The following MLIP variants were observed in gnomAD, a reference collection of about 807,000 sequenced individuals.
MLIP encodes the protein muscular LMNA interacting protein.
In MLIP, 79 loss-of-function variants were observed where a neutral mutation model predicts 84.8. That is an observed-to-expected ratio of 0.93 (90% CI 0.78 to 1.12). The LOEUF is 1.12. Ranked by LOEUF, MLIP falls within the 50% of genes most tolerant of loss-of-function variation. MLIP has a pLI of 0.00. For missense variants in MLIP, 1,257 were observed against 1,160.6 expected (o/e 1.08, Z -1.21); for synonymous variants, 504 against 463.0 (o/e 1.09, Z -1.14).
At chr6:54,082,917 A>C (rs1767256971) in intron 1 of MLIP, among the ~76,000 whole-genome samples, 1 of 152,210 alleles carries the variant, frequency 6.6e-6, no homozygotes, top group South Asian at 2.1e-4. Context: ...CAGCTATAGA[A>C]TACTGTAGTA....
intron 1 of MLIP, among the ~76,000 whole-genome samples, chr6:54,101,063 G>A (rs1323335552): frequency 6.6e-6 from 1 of 152,130 alleles, no homozygotes; most frequent in Non-Finnish European, 1.5e-5. Flanking sequence ...AGGATATGGA[G>A]CAAATATTTA....
rs116832771 is a variant in MLIP, at chr6:54,125,398, G to A, written c.645+533G>A. Among the ~76,000 whole-genome samples the A allele has an allele frequency of 9.3e-3, 1,418 of 152,258 alleles. 24 individuals carry two copies. Among genetic ancestry groups the A allele is most frequent in the African/African-American group, 0.032 (1,324 of 41,530 alleles). ...TAAGGAAAACATCTTTTGTGGTCCT[G>A]GAAGCCACAAGGCTGGGGTTGACCT... On this transcript the variant is annotated intron_variant, in intron 3 of 13. Transcript: ENST00000502396.
In MLIP at chr6:54,189,876, C is replaced by A. The variant is rs1176814174; in HGVS notation, c.2551C>A (p.Leu851Ile). 3 of 1,600,538 alleles carry A rather than the reference C, an allele frequency of 1.9e-6. No homozygotes were observed. Among genetic ancestry groups the A allele is most frequent in the Non-Finnish European group, 2.6e-6 (3 of 1,168,452 alleles). The part of the protein sequence containing the change: ...AAGRETKYAN[L>I]SSPSSTVSES... ...CCATGTTTATGTTTTGCAGGCAAAT[C>A]TCTCCTCACCATCTTCTACAGTATC... The change falls in exon 10 of 14, where the codon CTC becomes ATC. Residue 851 changes from leucine to isoleucine, a missense_variant. Leu to Ile is a conservative substitution (Grantham distance 5). Coordinates refer to ENST00000502396, the MANE Select transcript of MLIP (RefSeq NM_001281747.2).
chr6:54,189,724 G>T, intron 9 of MLIP, 146 bp from the exon 10 acceptor site: 1 of 604,188 alleles, frequency 1.7e-6, no homozygotes, highest in Non-Finnish European at 2.9e-6. Context: ...TTCTTTGGTG[G>T]CATAAGGATA....
chr6:54,089,116 G>A (rs1237500837), intron 1 of MLIP, among the ~76,000 whole-genome samples: 3 of 152,036 alleles, frequency 2.0e-5, no homozygotes, highest in Non-Finnish European at 4.4e-5. Flanking sequence ...AAAGAAACCT[G>A]TTTTATTTTT....
chr6:54,059,722 C>G (rs1036961329), intron 1 of MLIP, among the ~76,000 whole-genome samples: 4 of 152,074 alleles, frequency 2.6e-5, no homozygotes, highest in Non-Finnish European at 5.9e-5. Flanking sequence ...ATTGGTATAT[C>G]TAAAGGTTAG....
chr6:54,228,218 A>AC (rs767781298), intron 11 of MLIP, among the ~76,000 whole-genome samples: 11,493 of 143,018 alleles, frequency 0.08, 749 homozygotes, highest in East Asian at 0.2. Context: ...AAAAAAAGAG[A>AC]AAGAAAAAAG....
intron 12 of MLIP, among the ~76,000 whole-genome samples, chr6:54,241,951 G>A (rs555637779): frequency 2.0e-5 from 3 of 152,330 alleles, no homozygotes; most frequent in African/African-American, 7.2e-5. Flanking sequence ...TATTAGAATA[G>A]TGAGGGAGCC....
chr6:54,084,129 TACTTTTTCCTCTTTGTCCTTCCTTGA>T (rs1290586519), intron 1 of MLIP, among the ~76,000 whole-genome samples: 1 of 152,200 alleles, frequency 6.6e-6, no homozygotes, highest in Admixed American at 6.5e-5. Context: ...GCCACAGTTC[TACTTTTTCCTCTTTGTCCTTCCTTGA>T]ACTTTTTTGC....
intron 1 of MLIP, among the ~76,000 whole-genome samples, chr6:54,118,572 A>T (rs1215124768): frequency 6.6e-6 from 1 of 152,208 alleles, no homozygotes; most frequent in East Asian, 1.9e-4. Context: ...CTAGAAGAAA[A>T]CATAGCGGGA....
At chr6:54,083,989 A>G (rs956993928) in intron 1 of MLIP, among the ~76,000 whole-genome samples, 1 of 152,200 alleles carries the variant, frequency 6.6e-6, no homozygotes, top group Admixed American at 6.5e-5. Flanking sequence ...AAATAATTTT[A>G]AGTAGAACAA....
At chr6:54,182,234 C>T (rs752377347) in intron 9 of MLIP, among the ~76,000 whole-genome samples, 10 of 152,204 alleles carry the variant, frequency 6.6e-5, no homozygotes, top group Non-Finnish European at 1.0e-4. Context: ...ACTCCAAATG[C>T]TCTCTCCATC....
At chr6:54,163,931 C>T (rs1168353656) in intron 8 of MLIP, among the ~76,000 whole-genome samples, 1 of 151,768 alleles carries the variant, frequency 6.6e-6, no homozygotes, top group Admixed American at 6.6e-5. Flanking sequence ...TATAGTTTTG[C>T]TGCGAATAAA....
At chr6:54,224,228 G>GA (rs1346736075) in intron 11 of MLIP, among the ~76,000 whole-genome samples, 5 of 151,542 alleles carry the variant, frequency 3.3e-5, no homozygotes, top group Non-Finnish European at 5.9e-5. Context: ...TAAAAAGGGA[G>GA]AAAATATAAA....
At chr6:54,023,154 G>A (rs1246119809) in intron 1 of MLIP, among the ~76,000 whole-genome samples, 2 of 142,564 alleles carry the variant, frequency 1.4e-5, no homozygotes, top group African/African-American at 5.1e-5. Flanking sequence ...GCGACAGAGC[G>A]AGACTCCATC....
At chr6:54,119,841 A>C (rs1770280170) in intron 1 of MLIP, among the ~76,000 whole-genome samples, 1 of 152,104 alleles carries the variant, frequency 6.6e-6, no homozygotes, top group Non-Finnish European at 1.5e-5. Flanking sequence ...AGTGGTTCTC[A>C]TCATCTTCCC....
chr6:54,149,591 C>T (rs1403581003), intron 5 of MLIP, among the ~76,000 whole-genome samples: 1 of 152,078 alleles, frequency 6.6e-6, no homozygotes, highest in Non-Finnish European at 1.5e-5. Context: ...TACTGATACT[C>T]AGATATTATA....
intron 9 of MLIP, among the ~76,000 whole-genome samples, chr6:54,172,719 G>C (rs1055231297): frequency 2.7e-5 from 4 of 149,594 alleles, no homozygotes; most frequent in African/African-American, 9.8e-5. Flanking sequence ...AAAAAAAAAA[G>C]AAAAAAATAA....
chr6:54,242,912 G>A (rs1781831836), intron 12 of MLIP, among the ~76,000 whole-genome samples: 1 of 152,064 alleles, frequency 6.6e-6, no homozygotes, highest in Non-Finnish European at 1.5e-5. Flanking sequence ...TAAAGTCTAG[G>A]AACTCAGGAG....
Sources: allele counts gnomAD v4.1 joint callset (sites outside exome capture counted in the v4.1 genomes callset), GRCh38; gene constraint gnomAD v4.1.1; transcripts MANE v1.5; gene names NCBI Gene and HGNC (gene_info 2026-07-23, HGNC 2026-07-21).